The following PPM1B variants were observed in gnomAD, a reference collection of about 807,000 sequenced individuals.
The protein encoded by PPM1B is protein phosphatase 1B.
Under a neutral mutation model 43.0 loss-of-function variants are expected in PPM1B, and 22 were observed. That is an observed-to-expected ratio of 0.51 (90% CI 0.37 to 0.73). The LOEUF is 0.73. Among genes scored for constraint, PPM1B ranks in the 30% least tolerant of loss-of-function variants. The pLI is 0.00. For missense variants in PPM1B, 632 were observed against 584.2 expected (o/e 1.08, Z -0.84); for synonymous variants, 217 against 197.9 (o/e 1.10, Z -0.81).
chr2:44,193,338 AT>A (rs1463592693), intron 1 of PPM1B, among the ~76,000 whole-genome samples: 1 of 151,840 alleles, frequency 6.6e-6, no homozygotes, highest in Non-Finnish European at 1.5e-5. Flanking sequence ...TCACATATCT[AT>A]TGGCCATTTG....
intron 1 of PPM1B, among the ~76,000 whole-genome samples, chr2:44,187,107 C>G (rs1428007144): frequency 1.3e-5 from 2 of 152,188 alleles, no homozygotes; most frequent in Non-Finnish European, 2.9e-5. Context: ...ACCTCCAGTC[C>G]ATGGTAACTA....
At chr2:44,226,188 G>C (rs955612840) in intron 5 of PPM1B, among the ~76,000 whole-genome samples, 9 of 151,828 alleles carry the variant, frequency 5.9e-5, no homozygotes, top group African/African-American at 2.2e-4. Flanking sequence ...TGTTAGCCAG[G>C]ATGGTGTCCA....
At chr2:44,190,520 C>G (rs1317444815) in intron 1 of PPM1B, among the ~76,000 whole-genome samples, 3 of 152,092 alleles carry the variant, frequency 2.0e-5, no homozygotes, top group African/African-American at 4.8e-5. Flanking sequence ...TCCTGTATCA[C>G]TTTTTGAAGC....
At chr2:44,188,680 G>C (rs1056093895) in intron 1 of PPM1B, among the ~76,000 whole-genome samples, 1 of 151,842 alleles carries the variant, frequency 6.6e-6, no homozygotes, top group African/African-American at 2.4e-5. Context: ...ACAGGCATGA[G>C]CCACTATGCC....
At chr2:44,225,532 A>G (rs757631662) in intron 5 of PPM1B, among the ~76,000 whole-genome samples, 12 of 152,276 alleles carry the variant, frequency 7.9e-5, no homozygotes, top group Non-Finnish European at 1.2e-4. Flanking sequence ...TTGCCATAAG[A>G]TAAAATGACT....
At chr2:44,199,151 G>T (rs554003738) in intron 1 of PPM1B, among the ~76,000 whole-genome samples, 3 of 151,696 alleles carry the variant, frequency 2.0e-5, no homozygotes, top group African/African-American at 2.4e-5. Context: ...CCAGCTACCC[G>T]GGAGGCTGAG....
chr2:44,208,050 G>A (rs754120359), intron 2 of PPM1B, among the ~76,000 whole-genome samples: 4 of 151,770 alleles, frequency 2.6e-5, no homozygotes, highest in Non-Finnish European at 5.9e-5. Context: ...CACCACGCCT[G>A]GATAATTTTT....
chr2:44,230,591 CTT>C lies in PPM1B; in HGVS notation c.1314_1315del (p.Ser439GlufsTer3). 6.2e-7 allele frequency: 1 copy of C among 1,614,174 alleles called. No homozygotes were observed. The highest frequency in any genetic ancestry group is 8.5e-7 in the Non-Finnish European group (1 of 1,180,018). On this transcript the variant is annotated frameshift_variant, in exon 6 of 6. Transcript: ENST00000282412. LOFTEE classifies it high-confidence loss of function. ...GCTGAACCAGCTGCCACAGCTACTTCTTCGAACAGTGATGCTGGAAACCCAGT... is the reference window on the plus strand; with the variant it reads ...GCTGAACCAGCTGCCACAGCTACTTCCGAACAGTGATGCTGGAAACCCAGT...
chr2:44,184,796 A>C (rs932394358), intron 1 of PPM1B, among the ~76,000 whole-genome samples: 4 of 151,864 alleles, frequency 2.6e-5, no homozygotes, highest in Non-Finnish European at 4.4e-5. Context: ...ATTTTCACTA[A>C]TCTCTAACTG....
chr2:44,183,761 CAG>C (rs1359821358), intron 1 of PPM1B, among the ~76,000 whole-genome samples: 1 of 151,992 alleles, frequency 6.6e-6, no homozygotes, highest in African/African-American at 2.4e-5. Flanking sequence ...TTTTTCAAGA[CAG>C]AGTCTCGCTC....
At chr2:44,238,773 C>T (rs759734461), downstream of PPM1B, among the ~76,000 whole-genome samples, 143 of 151,988 alleles carry the variant, frequency 9.4e-4, 1 homozygote, top group Non-Finnish European at 1.5e-3. Flanking sequence ...TAGTTTACTT[C>T]GGACTGTAAC....
intron 2 of PPM1B, among the ~76,000 whole-genome samples, chr2:44,202,309 TAC>T (rs1327922655): frequency 6.6e-6 from 1 of 152,218 alleles, no homozygotes; most frequent in African/African-American, 2.4e-5. Flanking sequence ...CAAAAGCATT[TAC>T]ACAGAGTGAC....
intron 2 of PPM1B, among the ~76,000 whole-genome samples, chr2:44,205,963 C>G (rs1669171235): frequency 6.6e-6 from 1 of 152,148 alleles, no homozygotes; most frequent in African/African-American, 2.4e-5. Context: ...TTGCAGTGAG[C>G]TGAGATCGCG....
intron 1 of PPM1B, among the ~76,000 whole-genome samples, chr2:44,170,922 GCTT>G (rs1161208860): frequency 6.6e-6 from 1 of 152,090 alleles, no homozygotes; most frequent in East Asian, 1.9e-4. Context: ...TTTATTTTGT[GCTT>G]CTTCTCTCAA....
rs1489762210 is a variant in PPM1B at position 44,230,916 on chromosome 2, G to T, written c.*198G>T. On this transcript the variant is annotated 3_prime_UTR_variant, in exon 6 of 6. Transcript: ENST00000282412. ...AAAATTGACTATTTATAGTACTATG[G>T]ATTTAATGAAATTATATGTCATTTC... is the stretch of plus-strand genomic sequence containing the variant. 8.2e-7 allele frequency: 1 copy of T among 1,213,436 alleles called. No homozygotes were observed. The highest frequency in any genetic ancestry group is 2.8e-5 in the South Asian group (1 of 36,166). 75.2% of individuals were successfully genotyped at this position (1,213,436 alleles called of 1,614,324 possible).
chr2:44,232,963 ATAT>A (rs753509830), downstream of PPM1B: 16 of 979,180 alleles, frequency 1.6e-5, no homozygotes, highest in Non-Finnish European at 1.9e-5. Flanking sequence ...TTTGGGAATA[ATAT>A]TATAAACCCT....
intron 2 of PPM1B, among the ~76,000 whole-genome samples, chr2:44,207,454 A>G (rs775198140): frequency 2.1e-4 from 32 of 152,194 alleles, no homozygotes; most frequent in Non-Finnish European, 7.3e-5. Context: ...TATTCCAAGA[A>G]CAGTTTCATC....
chr2:44,188,709 G>A (rs1331483200), intron 1 of PPM1B, among the ~76,000 whole-genome samples: 1 of 150,310 alleles, frequency 6.7e-6, no homozygotes, highest in Admixed American at 6.7e-5. Context: ...CTGCCTGCCT[G>A]CCTGCTTTCC....
chr2:44,239,244 T>A (rs1040039142), downstream of PPM1B, among the ~76,000 whole-genome samples: 2 of 151,798 alleles, frequency 1.3e-5, no homozygotes, highest in Admixed American at 1.3e-4. Flanking sequence ...TTTGCATTTC[T>A]GATTACATGT....
Sources: allele counts gnomAD v4.1 joint callset (sites outside exome capture counted in the v4.1 genomes callset), GRCh38; gene constraint gnomAD v4.1.1; transcripts MANE v1.5; gene names NCBI Gene and HGNC (gene_info 2026-07-23, HGNC 2026-07-21).